The following ESRP1 variants were observed in gnomAD, a reference collection of about 807,000 sequenced individuals.
ESRP1 encodes RNA-binding motif protein 35A.
A neutral mutation model predicts 81.7 loss-of-function variants in ESRP1; 33 were observed. That is an observed-to-expected ratio of 0.40 (90% CI 0.31 to 0.54). The LOEUF (loss-of-function observed/expected upper bound fraction) is 0.54, where lower values mean the gene tolerates loss of function less well. Among genes scored for constraint, ESRP1 ranks in the 20% least tolerant of loss-of-function variants. The pLI is 0.41. For missense variants in ESRP1, 672 were observed against 833.1 expected, an observed-to-expected ratio of 0.81 and a Z score of 2.38; for synonymous variants, 320 against 303.3, an observed-to-expected ratio of 1.06 and a Z score of -0.57.
chr8:94,665,048 C>T lies in ESRP1; in HGVS notation c.877C>T (p.Arg293Trp), dbSNP rs1452277041. 2.5e-6 allele frequency: 4 copies of T among 1,613,592 alleles called. No individual in the cohort carries two copies. Among genetic ancestry groups the T allele is most frequent in the Admixed American group, 1.7e-5 (1 of 59,950 alleles). ...LQRHKHHMGT[R>W]YIEVYKATGE... ...GAGGCACAAACATCACATGGGGACC[C>T]GGTATATTGAGGTATGTCCTCAAAA... Residue 293 changes from arginine (R) to tryptophan (W), a missense_variant, in exon 8 of 16, where the codon CGG becomes TGG. Coordinates refer to ENST00000433389, the MANE Select transcript of ESRP1 (RefSeq NM_017697.4).
chr8:94,641,740 C>G, intron 1 of ESRP1: 2 of 761,082 alleles, frequency 2.6e-6, no homozygotes, highest in Non-Finnish European at 1.9e-6. Flanking sequence ...GTCTCGGAGG[C>G]CCCGGGGTCC....
intron 11 of ESRP1, 47 bp from the exon 12 acceptor site, chr8:94,674,261 G>T: frequency 6.4e-7 from 1 of 1,555,128 alleles, no homozygotes; most frequent in Admixed American, 1.9e-5. Context: ...TTTCCTTGTT[G>T]AAGGAGACAG....
chr8:94,645,523 C>T (rs1817803881), intron 3 of ESRP1, among the ~76,000 whole-genome samples: 1 of 152,016 alleles, frequency 6.6e-6, no homozygotes, highest in South Asian at 2.1e-4. Context: ...CTAAGAACAG[C>T]AGGTAACCAT....
Position 94,668,091 on chromosome 8 carries a change from C to G in ESRP1, c.1074C>G (p.Gly358=). 1 of 1,614,026 alleles carries G rather than the reference C, an allele frequency of 6.2e-7. No homozygotes were observed. The highest frequency in any genetic ancestry group is 8.5e-7 in the Non-Finnish European group (1 of 1,179,894). ...GCCCTATTACTGGGGGAAAGGAAGG[C>G]ATCCTCTTTGTCACCTACCCAGATG... ...QHCPITGGKE[G]ILFVTYPDGR... is the part of the protein sequence containing the mutation. The change falls in exon 10 of 16, where the codon GGC becomes GGG. Residue 358 remains glycine, a synonymous_variant. Transcript: ENST00000433389.
intron 4 of ESRP1, among the ~76,000 whole-genome samples, chr8:94,652,637 A>G (rs2130564482): frequency 6.6e-6 from 1 of 152,132 alleles, no homozygotes; most frequent in African/African-American, 2.4e-5. Flanking sequence ...TGATTTCTTA[A>G]CCTGCTTTTT....
At chr8:94,660,428 C>G (rs1367740091) in intron 4 of ESRP1, among the ~76,000 whole-genome samples, 1 of 151,914 alleles carries the variant, frequency 6.6e-6, no homozygotes, top group African/African-American at 2.4e-5. Flanking sequence ...ATGGTGAAAC[C>G]CCATCTCTAC....
chr8:94,659,564 ATC>A (rs1342220562), intron 4 of ESRP1, among the ~76,000 whole-genome samples: 1 of 152,224 alleles, frequency 6.6e-6, no homozygotes, highest in Non-Finnish European at 1.5e-5. Flanking sequence ...AGAGTTTCAT[ATC>A]TCTCACTTTA....
Position 94,674,305 on chromosome 8 carries a change from C to T in ESRP1, c.1453-3C>T. 1 of 1,612,874 alleles carries T rather than the reference C, an allele frequency of 6.2e-7. No homozygotes were observed. The highest frequency in any genetic ancestry group is 8.5e-7 in the Non-Finnish European group (1 of 1,179,644). On this transcript the variant is annotated splice_region_variant and splice_polypyrimidine_tract_variant and intron_variant, in intron 11 of 15. Coordinates refer to ENST00000433389, the MANE Select transcript of ESRP1 (RefSeq NM_017697.4). ...TGTTTTTATTCTTCCCCCACACACT[C>T]AGGGCCGCCCATCAGGAGATGCCTT...
At chr8:94,675,631 A>G (rs988094519) in intron 12 of ESRP1, among the ~76,000 whole-genome samples, 4 of 152,158 alleles carry the variant, frequency 2.6e-5, no homozygotes, top group Admixed American at 6.5e-5. Context: ...CAGTATATAA[A>G]CCACTGGTAA....
At position 94,678,222 on chromosome 8, in the gene ESRP1, C is replaced by T; in HGVS notation, c.1671C>T (p.Tyr557=). ...ATCTAGGCCTGTCTCCTCCCTCCTA[C>T]ACATTTCCAGCTCCTGCTGCAGTTA... ...CKLPCLSPPS[Y]TFPAPAAVIP... Residue 557 remains tyrosine, a synonymous_variant, in exon 13 of 16, where the codon TAC becomes TAT. Coordinates refer to ENST00000433389, the MANE Select transcript of ESRP1 (RefSeq NM_017697.4). 5 of 1,614,008 alleles carry T rather than the reference C, an allele frequency of 3.1e-6. No individual in the cohort carries two copies. The highest frequency in any genetic ancestry group is 3.4e-6 in the Non-Finnish European group (4 of 1,179,882).
chr8:94,652,590 A>AT (rs1465770230), intron 4 of ESRP1, among the ~76,000 whole-genome samples: 1 of 151,128 alleles, frequency 6.6e-6, no homozygotes, highest in Non-Finnish European at 1.5e-5. Context: ...TTTTAAACCC[A>AT]TTTTTTTCCC....
chr8:94,673,910 T>A (rs923084908), intron 11 of ESRP1, among the ~76,000 whole-genome samples: 1 of 152,128 alleles, frequency 6.6e-6, no homozygotes, highest in Non-Finnish European at 1.5e-5. Flanking sequence ...TACCTAAAGC[T>A]CCAGTGCTGG....
chr8:94,705,810 G>A (rs1810046751), intron 15 of ESRP1, 115 bp from the exon 16 acceptor site: 2 of 940,336 alleles, frequency 2.1e-6, no homozygotes, highest in Non-Finnish European at 3.1e-6. Context: ...ACCATCTTAA[G>A]GCTTTTTTTC....
At chr8:94,677,300 G>A (rs1808685689) in intron 12 of ESRP1, among the ~76,000 whole-genome samples, 1 of 152,158 alleles carries the variant, frequency 6.6e-6, no homozygotes, top group African/African-American at 2.4e-5. Context: ...GGTGGTTCTA[G>A]GTATGAAGCT....
Position 94,682,932 on chromosome 8 carries a change from A to ATTTTT in ESRP1, c.1820+4586_1820+4590dup, listed in dbSNP as rs869078492. Among the ~76,000 whole-genome samples the ATTTTT allele has an allele frequency of 2.3e-3, 42 of 18,090 alleles. 8 individuals carry two copies. Among genetic ancestry groups the ATTTTT allele is most frequent in the African/African-American group, 3.8e-3 (11 of 2,902 alleles). 11.9% of individuals were successfully genotyped at this position (18,090 alleles called of 152,430 possible). Reference sequence around the variant, plus strand: ...TATATATATATATATATATATATATATTTTTTTTTTTTTTTTTTTTTTTTT... The same window carrying ATTTTT: ...TATATATATATATATATATATATATATTTTTTTTTTTTTTTTTTTTTTTTTTTTTT... On this transcript the variant is annotated intron_variant, in intron 13 of 15. Transcript: ENST00000433389.
chr8:94,670,765 G>T (rs1297649135), intron 10 of ESRP1, among the ~76,000 whole-genome samples: 1 of 152,200 alleles, frequency 6.6e-6, no homozygotes, highest in Non-Finnish European at 1.5e-5. Context: ...TGAATTCCAT[G>T]AATCTAGAAG....
chr8:94,698,892 C>T (rs1171500534), intron 15 of ESRP1, among the ~76,000 whole-genome samples: 3 of 152,106 alleles, frequency 2.0e-5, no homozygotes, highest in Admixed American at 6.6e-5. Context: ...TTTTTCAGAT[C>T]TGTCATTTTC....
intron 6 of ESRP1, 139 bp from the exon 7 acceptor site, chr8:94,664,558 G>A (rs1425219176): frequency 6.2e-6 from 4 of 646,878 alleles, no homozygotes; most frequent in Admixed American, 2.8e-5. Flanking sequence ...AGGTTATAAG[G>A]AAAATCAAGT....
chr8:94,663,392 T>A (rs1469757724), intron 6 of ESRP1, among the ~76,000 whole-genome samples: 9 of 152,110 alleles, frequency 5.9e-5, no homozygotes, highest in Non-Finnish European at 1.5e-5. Flanking sequence ...ATTACAGATG[T>A]GTACCATCAT....
Sources: allele counts gnomAD v4.1 joint callset (sites outside exome capture counted in the v4.1 genomes callset), GRCh38; gene constraint gnomAD v4.1.1; transcripts MANE v1.5; gene names NCBI Gene and HGNC (gene_info 2026-07-23, HGNC 2026-07-21).